The following MTUS2 variants were observed in gnomAD, a reference collection of about 807,000 sequenced individuals.
MTUS2 encodes microtubule-associated tumor suppressor candidate 2.
MTUS2 carries 40 observed loss-of-function variants against 114.1 expected under a neutral mutation model. The ratio of observed to expected loss-of-function variants is 0.35; its 90% CI spans 0.27 to 0.46. The LOEUF is 0.46. Ranked by LOEUF, MTUS2 falls within the 20% of genes least tolerant of loss-of-function variation. The pLI, the probability that MTUS2 is intolerant of heterozygous loss-of-function variation, is 1.00. For missense variants in MTUS2, 1,679 were observed against 1,705.4 expected, an observed-to-expected ratio of 0.98 and a Z score of 0.27; for synonymous variants, 688 against 672.0, an observed-to-expected ratio of 1.02 and a Z score of -0.37.
chr13:29,307,787 A>G lies in MTUS2; in HGVS notation c.2807-16826A>G. On this transcript the variant is annotated intron_variant, in intron 6 of 15. Transcript: ENST00000612955. ...GCCCACATGTCCTCCAAGGAGTAAG[A>G]CCCCCAGACCACCAGCCCCAGTGAG... The G allele has an allele frequency of 3.0e-6, 3 of 990,322 alleles. No individual in the cohort carries two copies. The South Asian group carries it at 3.8e-5, about 13-fold the overall frequency. The allele number at this position is 990,322 out of a possible 1,614,324, so 61.3% of individuals were successfully genotyped here. A position where few individuals can be genotyped will look rare whatever the true frequency, so the allele number is the denominator to read the frequency against.
chr13:28,952,632 C>T lies in MTUS2; in HGVS notation c.-242-71825C>T, dbSNP rs568185765. ...ATGTTTTCCTCTATCCCCAGGTAAC[C>T]ATATGTGAACATATAAACATAAGGG... is the stretch of plus-strand genomic sequence containing the variant. On this transcript the variant is annotated intron_variant, in intron 2 of 15. Coordinates refer to ENST00000612955, the MANE Select transcript of MTUS2 (RefSeq NM_001033602.4). Among the ~76,000 whole-genome samples the T allele has an allele frequency of 2.0e-5, 3 of 152,216 alleles. No individual in the cohort carries two copies. In the South Asian group the frequency reaches 6.2e-4, roughly 32 times the overall value.
chr13:29,378,506 C>A (rs58078006), intron 8 of MTUS2, among the ~76,000 whole-genome samples: 68,795 of 151,800 alleles, frequency 0.45, 18,865 homozygotes, highest in East Asian at 0.65. Flanking sequence ...GCTCGTGCCC[C>A]CTCTGACTTG....
intron 8 of MTUS2, among the ~76,000 whole-genome samples, chr13:29,387,102 T>A (rs1424021103): frequency 6.6e-6 from 1 of 152,196 alleles, no homozygotes; most frequent in Non-Finnish European, 1.5e-5. Context: ...TAGCAGCTCC[T>A]GCCCTGACTG....
At chr13:29,021,035 G>C (rs1886270161) in intron 2 of MTUS2, among the ~76,000 whole-genome samples, 1 of 152,226 alleles carries the variant, frequency 6.6e-6, no homozygotes, top group Non-Finnish European at 1.5e-5. Context: ...GGGAGGCCAA[G>C]ATAGGAGGAT....
At chr13:29,321,873 G>A (rs1031949871) in intron 6 of MTUS2, among the ~76,000 whole-genome samples, 10 of 152,188 alleles carry the variant, frequency 6.6e-5, no homozygotes, top group African/African-American at 2.4e-4. Context: ...TATGAAAATG[G>A]GGTAATTCCA....
intron 9 of MTUS2, among the ~76,000 whole-genome samples, chr13:29,456,454 G>A (rs1489416477): frequency 6.6e-6 from 1 of 152,160 alleles, no homozygotes; most frequent in African/African-American, 2.4e-5. Context: ...GAAATAATGG[G>A]CAGAAATATC....
intron 4 of MTUS2, among the ~76,000 whole-genome samples, chr13:29,062,510 GC>G (rs1888469384): frequency 6.6e-6 from 1 of 152,094 alleles, no homozygotes; most frequent in African/African-American, 2.4e-5. Flanking sequence ...GTGATGCTGT[GC>G]CCTGAAATTT....
chr13:29,158,833 A>G (rs1215045624), intron 5 of MTUS2, among the ~76,000 whole-genome samples: 1 of 152,170 alleles, frequency 6.6e-6, no homozygotes, highest in African/African-American at 2.4e-5. Context: ...GATAGCAGCA[A>G]TGAGAAGGAG....
intron 10 of MTUS2, chr13:29,487,647 C>G (rs1178694869): frequency 5.7e-6 from 3 of 523,332 alleles, no homozygotes; most frequent in Non-Finnish European, 1.0e-5. Context: ...ACACTCAGGA[C>G]TCTAAAGAGG....
Position 29,480,251 on chromosome 13 carries a change from G to A in MTUS2, c.3286G>A (p.Glu1096Lys), listed in dbSNP as rs764911582. The A allele has an allele frequency of 2.3e-5, 35 of 1,553,334 alleles. No homozygotes were observed. The highest frequency in any genetic ancestry group is 9.5e-5 in the South Asian group (8 of 84,150). Residue 1096 changes from glutamate (E) to lysine (K), a missense_variant, in exon 10 of 16, where the codon GAG becomes AAG. Glu to Lys is a moderately conservative substitution (Grantham distance 56). Around this residue, in one of 3 missense-constraint regions of MTUS2, gnomAD observed 822 missense variants for 899.7 expected, o/e 0.91. Transcript: ENST00000612955. The surrounding 1 kb of genome is among the most constrained non-coding windows in gnomAD (Gnocchi z 4.4). ...VKRLGWQQQA[E>K]LQELEERLQL... ...GAGGCTGGGCTGGCAGCAGCAGGCC[G>A]AGCTCCAGGAGCTGGAGGAGCGGCT...
intron 2 of MTUS2, among the ~76,000 whole-genome samples, chr13:28,913,310 T>G (rs893311631): frequency 1.3e-5 from 2 of 152,198 alleles, no homozygotes; most frequent in African/African-American, 4.8e-5. Context: ...TTATTGAGAG[T>G]TTTTAACATG....
At chr13:28,885,667 C>T (rs1364191007) in intron 2 of MTUS2, among the ~76,000 whole-genome samples, 1 of 152,160 alleles carries the variant, frequency 6.6e-6, no homozygotes, top group Non-Finnish European at 1.5e-5. Context: ...GTTTACAACA[C>T]ATGCTTGTAT....
chr13:29,265,331 A>G (rs955068907), intron 5 of MTUS2, among the ~76,000 whole-genome samples: 5 of 152,322 alleles, frequency 3.3e-5, no homozygotes, highest in Non-Finnish European at 7.3e-5. Context: ...CCATATCACT[A>G]TCAGCATTTT....
intron 8 of MTUS2, chr13:29,428,566 C>T: frequency 2.7e-6 from 2 of 740,688 alleles, no homozygotes; most frequent in Non-Finnish European, 4.0e-6. Context: ...GCAAAGTGAC[C>T]CTCCCTCCTG....
At chr13:28,977,437 T>C (rs897792643) in intron 2 of MTUS2, among the ~76,000 whole-genome samples, 2 of 152,192 alleles carry the variant, frequency 1.3e-5, no homozygotes, top group Non-Finnish European at 2.9e-5. Flanking sequence ...ACTGGGAAAC[T>C]TACTACCTTT....
Position 29,026,482 on chromosome 13 carries a change from G to T in MTUS2, c.1784G>T (p.Ser595Ile), listed in dbSNP as rs767897823. 36 of 1,613,852 alleles carry T rather than the reference G, an allele frequency of 2.2e-5. No individual in the cohort carries two copies. The highest frequency in any genetic ancestry group is 2.9e-5 in the Non-Finnish European group (34 of 1,179,898). The change falls in exon 3 of 16, where the codon AGT becomes ATT. Residue 595 changes from serine (S) to isoleucine (I), a missense_variant. Ser to Ile is a moderately radical substitution (Grantham distance 142). Around this residue, in one of 3 missense-constraint regions of MTUS2, gnomAD observed 843 missense variants for 770.8 expected, o/e 1.09. Transcript: ENST00000612955. ...GTGCCTGACAAGAACACTTGCCCCA[G>T]TGGGATCCCCAAGCCTGTCTTCACA... ...PKVPDKNTCP[S>I]GIPKPVFTHS...
At chr13:28,963,858 A>T (rs595628) in intron 2 of MTUS2, among the ~76,000 whole-genome samples, 134,538 of 152,090 alleles carry the variant, frequency 0.88, 59,661 homozygotes, top group East Asian at 1. Context: ...AATGGCATTC[A>T]CCCTCCTTCT....
At chr13:28,852,073 G>A (rs1876313783) in intron 2 of MTUS2, among the ~76,000 whole-genome samples, 1 of 152,014 alleles carries the variant, frequency 6.6e-6, no homozygotes. Flanking sequence ...TCACTTTCCT[G>A]TCTCAGGGGT....
At chr13:29,414,414 C>A (rs1875499415) in intron 8 of MTUS2, among the ~76,000 whole-genome samples, 4 of 120,930 alleles carry the variant, frequency 3.3e-5, no homozygotes, top group Admixed American at 2.7e-4. Context: ...ATGTAACTAA[C>A]CTGCACAATG....
Sources: gnomAD v4.1 joint callset for allele counts (sites outside exome capture counted in the v4.1 genomes callset) on GRCh38, gnomAD v4.1.1 for gene constraint, gnomAD v4.1.1 regional missense constraint, Gnocchi (gnomAD v3.1) non-coding constraint, MANE v1.5 for transcripts, NCBI Gene and HGNC (gene_info 2026-07-23, HGNC 2026-07-21) for gene names.